Variants in CNTNAP5 observed in about 807,000 individuals in gnomAD.
CNTNAP5 encodes the protein contactin associated protein family member 5.
A neutral mutation model predicts 150.2 loss-of-function variants in CNTNAP5; 72 were observed. The ratio of observed to expected loss-of-function variants is 0.48; its 90% CI spans 0.40 to 0.58. CNTNAP5 has a LOEUF of 0.58. CNTNAP5 is among the 20% of genes least tolerant of loss of function. The pLI is 0.00. For missense variants in CNTNAP5, 1,636 were observed against 1,626.2 expected (o/e 1.01, Z -0.10); for synonymous variants, 672 against 619.8 (o/e 1.08, Z -1.25).
Position 124,844,260 on chromosome 2 carries a change from G to A in CNTNAP5, c.3218-21046G>A, listed in dbSNP as rs549419918. ...GACAATTATCCCAATACAATTTGTT[G>A]AATAGGGTGTCCTTTCCCCACTTTA... On this transcript the variant is annotated intron_variant, in intron 19 of 23. Coordinates refer to ENST00000682447, the MANE Select transcript of CNTNAP5 (RefSeq NM_001367498.1). Among the ~76,000 whole-genome samples, 7 of 152,080 alleles carry A rather than the reference G, an allele frequency of 4.6e-5. No homozygotes were observed. In the South Asian group the frequency reaches 1.0e-3, roughly 23 times the overall value.
At chr2:124,089,792 A>G (rs1682773629) in intron 1 of CNTNAP5, among the ~76,000 whole-genome samples, 1 of 152,234 alleles carries the variant, frequency 6.6e-6, no homozygotes, top group Non-Finnish European at 1.5e-5. Flanking sequence ...CTCTGAAGTG[A>G]GAACAGAGTG....
chr2:124,522,066 G>A (rs2104884180), intron 8 of CNTNAP5, among the ~76,000 whole-genome samples: 1 of 152,320 alleles, frequency 6.6e-6, no homozygotes, highest in Admixed American at 6.5e-5. Flanking sequence ...CATCTGGGAT[G>A]CTCTGAGCAG....
At chr2:124,117,386 T>C (rs1030790214) in intron 1 of CNTNAP5, among the ~76,000 whole-genome samples, 6 of 152,152 alleles carry the variant, frequency 3.9e-5, no homozygotes, top group Admixed American at 6.5e-5. Context: ...GAGACTTTAT[T>C]ATGAGTCCTT....
chr2:124,809,627 A>G (rs1045274699), intron 19 of CNTNAP5, among the ~76,000 whole-genome samples: 8 of 151,984 alleles, frequency 5.3e-5, no homozygotes, highest in Non-Finnish European at 8.8e-5. Flanking sequence ...ACTTTTGGAA[A>G]TGTGATAGAG....
At chr2:124,204,988 G>A (rs1034243383) in intron 1 of CNTNAP5, among the ~76,000 whole-genome samples, 1 of 152,184 alleles carries the variant, frequency 6.6e-6, no homozygotes, top group Non-Finnish European at 1.5e-5. Context: ...TAAGGGCCTA[G>A]TGATATGTCC....
At chr2:124,728,152 G>T (rs1680199662) in intron 13 of CNTNAP5, among the ~76,000 whole-genome samples, 1 of 151,930 alleles carries the variant, frequency 6.6e-6, no homozygotes, top group South Asian at 2.1e-4. Context: ...ACTTGATCAT[G>T]GTGTGTAATT....
intron 20 of CNTNAP5, among the ~76,000 whole-genome samples, chr2:124,866,803 T>C (rs1446742541): frequency 3.3e-5 from 5 of 152,152 alleles, no homozygotes; most frequent in Non-Finnish European, 7.4e-5. Flanking sequence ...CCATGTTTTT[T>C]AATCTGTTCT....
chr2:124,859,726 G>A (rs951192459), intron 19 of CNTNAP5, among the ~76,000 whole-genome samples: 3 of 152,272 alleles, frequency 2.0e-5, no homozygotes, highest in Middle Eastern at 6.8e-3. Context: ...ATACTATGCA[G>A]CCATAAAAAA....
chr2:124,182,333 TATA>T (rs1685228694), intron 1 of CNTNAP5, among the ~76,000 whole-genome samples: 1 of 152,138 alleles, frequency 6.6e-6, no homozygotes, highest in African/African-American at 2.4e-5. Flanking sequence ...CCTCCTTAAA[TATA>T]ATGCTAGGTG....
intron 10 of CNTNAP5, among the ~76,000 whole-genome samples, chr2:124,531,972 G>C (rs1227901303): frequency 6.6e-6 from 1 of 152,192 alleles, no homozygotes; most frequent in Non-Finnish European, 1.5e-5. Context: ...GGAGGACAAG[G>C]AGTGAACTGA....
intron 17 of CNTNAP5, among the ~76,000 whole-genome samples, chr2:124,782,724 A>G (rs1004430671): frequency 2.6e-5 from 4 of 152,214 alleles, no homozygotes; most frequent in Non-Finnish European, 1.5e-5. Context: ...TGCTGGTGGG[A>G]GTATAAATCG....
intron 14 of CNTNAP5, 80 bp from the exon 15 acceptor site, chr2:124,763,592 C>A (rs1219501756): frequency 2.1e-6 from 3 of 1,430,254 alleles, no homozygotes; most frequent in Non-Finnish European, 2.9e-6. Context: ...CAAATCACTT[C>A]TGAAAAGAGG....
Position 124,144,095 on chromosome 2 carries a change from G to T in CNTNAP5, c.83-77610G>T, listed in dbSNP as rs1266692348. Among the ~76,000 whole-genome samples the T allele has an allele frequency of 8.8e-5, 12 of 135,876 alleles. No individual in the cohort carries two copies. The East Asian group carries it at 2.3e-3, about 25-fold the overall frequency. 89.1% of individuals were successfully genotyped at this position (135,876 alleles called of 152,430 possible). A position where few individuals can be genotyped will look rare whatever the true frequency, so the allele number is the denominator to read the frequency against. On this transcript the variant is annotated intron_variant, in intron 1 of 23. Transcript: ENST00000682447. ...GAATCCAACTTACAAGGGATGTGAA[G>T]GACCTCTTCAAGGAGAACTACAAAC...
At chr2:124,751,196 A>G (rs1680720292) in intron 14 of CNTNAP5, among the ~76,000 whole-genome samples, 1 of 151,902 alleles carries the variant, frequency 6.6e-6, no homozygotes. Context: ...TAAATAAACA[A>G]ACTGGTGTAC....
chr2:124,529,093 G>A (rs549806835), intron 10 of CNTNAP5, among the ~76,000 whole-genome samples: 1 of 149,102 alleles, frequency 6.7e-6, no homozygotes, highest in Non-Finnish European at 1.5e-5. Context: ...AGCTGAAAAA[G>A]TAGTAATAAA....
intron 19 of CNTNAP5, among the ~76,000 whole-genome samples, chr2:124,813,076 T>A: frequency 6.6e-6 from 1 of 151,622 alleles, no homozygotes; most frequent in East Asian, 1.9e-4. Flanking sequence ...GCTTTTTTTG[T>A]TTTTGTTTTT....
intron 12 of CNTNAP5, among the ~76,000 whole-genome samples, chr2:124,632,794 C>T: frequency 6.6e-6 from 1 of 151,900 alleles, no homozygotes; most frequent in Non-Finnish European, 1.5e-5. Context: ...GCTCATAGTT[C>T]CACAGGCTGT....
At chr2:124,171,374 G>A (rs996027822) in intron 1 of CNTNAP5, among the ~76,000 whole-genome samples, 9 of 152,140 alleles carry the variant, frequency 5.9e-5, no homozygotes, top group African/African-American at 2.2e-4. Context: ...GATCACTGGG[G>A]TGCCAGCACA....
chr2:124,601,877 G>A (rs1273106275), intron 11 of CNTNAP5, among the ~76,000 whole-genome samples: 2 of 152,150 alleles, frequency 1.3e-5, no homozygotes, highest in Non-Finnish European at 2.9e-5. Flanking sequence ...GATCTCAAGG[G>A]AATTATTTTT....
Sources: allele counts gnomAD v4.1 joint callset (sites outside exome capture counted in the v4.1 genomes callset), GRCh38; gene constraint gnomAD v4.1.1; transcripts MANE v1.5; gene names NCBI Gene and HGNC (gene_info 2026-07-23, HGNC 2026-07-21).